The following SLC8A1 variants were observed in gnomAD, a reference collection of about 807,000 sequenced individuals.
SLC8A1 encodes the protein solute carrier family 8 member A1.
A neutral mutation model predicts 68.3 loss-of-function variants in SLC8A1; 18 were observed. That is an observed-to-expected ratio of 0.26 (90% CI 0.18 to 0.39). SLC8A1 has a LOEUF of 0.39. Among genes scored for constraint, SLC8A1 ranks in the 10% least tolerant of loss-of-function variants. The probability of loss-of-function intolerance (pLI) is 1.00; values close to 1 mark genes in which losing one functional copy is unlikely to be tolerated. For missense variants in SLC8A1, 985 were observed against 1,156.7 expected, an observed-to-expected ratio of 0.85 and a Z score of 2.15; for synonymous variants, 475 against 415.5, an observed-to-expected ratio of 1.14 and a Z score of -1.74.
chr2:40,434,085 C>T (rs1179349581), intron 1 of SLC8A1, among the ~76,000 whole-genome samples: 1 of 152,170 alleles, frequency 6.6e-6, no homozygotes, highest in Non-Finnish European at 1.5e-5. Flanking sequence ...AGAAAAAGCC[C>T]TGCCCTTTAT....
chr2:40,486,524 T>C (rs1193720550), intron 1 of SLC8A1, among the ~76,000 whole-genome samples: 1 of 152,190 alleles, frequency 6.6e-6, no homozygotes, highest in East Asian at 1.9e-4. Context: ...CAAATAATTT[T>C]CATACTCCAT....
chr2:40,498,408 C>T (rs545290977), intron 1 of SLC8A1, among the ~76,000 whole-genome samples: 1 of 152,162 alleles, frequency 6.6e-6, no homozygotes, highest in South Asian at 2.1e-4. Context: ...CTTTAAGGGA[C>T]TCTAGAGGTT....
intron 2 of SLC8A1, among the ~76,000 whole-genome samples, chr2:40,286,791 T>A (rs900482099): frequency 2.0e-5 from 3 of 152,334 alleles, no homozygotes; most frequent in African/African-American, 7.2e-5. Flanking sequence ...GAGCAATTGA[T>A]AATACCAGTG....
At chr2:40,231,413 T>TTTAATC (rs1306443817) in intron 2 of SLC8A1, among the ~76,000 whole-genome samples, 1 of 152,164 alleles carries the variant, frequency 6.6e-6, no homozygotes, top group Non-Finnish European at 1.5e-5. Flanking sequence ...AATCTTCCCA[T>TTTAATC]TTAATCTTTA....
intron 2 of SLC8A1, among the ~76,000 whole-genome samples, chr2:40,192,232 C>A (rs1202453375): frequency 6.6e-6 from 1 of 151,926 alleles, no homozygotes; most frequent in African/African-American, 2.4e-5. Flanking sequence ...GCTAAAGCTT[C>A]CTCAGCTGTA....
chr2:40,508,359 A>C (rs1706499241), intron 1 of SLC8A1, among the ~76,000 whole-genome samples: 3 of 151,930 alleles, frequency 2.0e-5, no homozygotes, highest in East Asian at 1.9e-4. Context: ...AAGTAAAAAA[A>C]AAAAAAATCT....
chr2:40,356,676 A>T (rs899861183), intron 2 of SLC8A1, among the ~76,000 whole-genome samples: 7 of 152,100 alleles, frequency 4.6e-5, no homozygotes, highest in Admixed American at 1.3e-4. Flanking sequence ...GTATGGCCCC[A>T]TGCAGAGAAG....
At chr2:40,232,389 A>C (rs2059765350) in intron 2 of SLC8A1, among the ~76,000 whole-genome samples, 1 of 56,874 alleles carries the variant, frequency 1.8e-5, no homozygotes, top group African/African-American at 5.5e-5. Context: ...AATATGGTGC[A>C]AGTTATTTTT....
chr2:40,308,631 G>A (rs2073109527), intron 2 of SLC8A1, among the ~76,000 whole-genome samples: 1 of 137,772 alleles, frequency 7.3e-6, no homozygotes, highest in South Asian at 2.4e-4. Flanking sequence ...TAAGCAGAAG[G>A]AATTTCTCTG....
intron 2 of SLC8A1, among the ~76,000 whole-genome samples, chr2:40,310,117 G>C (rs933579153): frequency 7.2e-5 from 11 of 152,150 alleles, no homozygotes; most frequent in African/African-American, 2.4e-4. Context: ...GTTTATTCAT[G>C]TCATACATGT....
intron 3 of SLC8A1, chr2:40,175,923 G>T: frequency 4.9e-6 from 2 of 405,050 alleles, no homozygotes; most frequent in Admixed American, 2.9e-5. Flanking sequence ...ATAGTCCCAG[G>T]AATTAACACC....
rs193082132 is a variant in SLC8A1, at chr2:40,351,981, C to T, written c.1808+76492G>A. On this transcript the variant is annotated intron_variant, in intron 2 of 7. Coordinates refer to ENST00000406785, the Ensembl canonical transcript of SLC8A1. ...CATTCATAAAGAATCCAAATCTTAT[C>T]CAAAAGAAGCAAAAAGCTAAAATAA... Among the ~76,000 whole-genome samples the T allele has an allele frequency of 2.1e-3, 314 of 152,154 alleles. 1 individual carries two copies. The highest frequency in any genetic ancestry group is 7.3e-3 in the African/African-American group (301 of 41,514).
chr2:40,453,188 T>A (rs552301869), upstream of SLC8A1: 1 of 152,258 alleles, frequency 6.6e-6, no homozygotes, highest in South Asian at 2.1e-4. Flanking sequence ...TGCTGTAGAA[T>A]CTGAGGCCGA....
At chr2:40,138,732 T>C (rs1344477932) in intron 7 of SLC8A1, among the ~76,000 whole-genome samples, 1 of 152,164 alleles carries the variant, frequency 6.6e-6, no homozygotes, top group Non-Finnish European at 1.5e-5. Flanking sequence ...TTGCTATCAA[T>C]GTTGTTTGGG....
intron 5 of SLC8A1, 32 bp downstream of exon 8, chr2:40,164,822 T>G (rs748222410): frequency 6.2e-7 from 1 of 1,611,924 alleles, no homozygotes; most frequent in African/African-American, 1.3e-5. Flanking sequence ...AAGGTGAGAC[T>G]GGCTCCTGGT....
intron 2 of SLC8A1, among the ~76,000 whole-genome samples, chr2:40,265,763 G>T (rs932167189): frequency 2.6e-5 from 4 of 152,078 alleles, no homozygotes; most frequent in African/African-American, 9.7e-5. Context: ...TTTATTTACA[G>T]CATGGCTCCC....
exon 1 of SLC8A1, chr2:40,452,000 G>C (rs1031408039): frequency 6.6e-6 from 1 of 151,830 alleles, no homozygotes; most frequent in South Asian, 2.1e-4. Context: ...CGATCAGGAA[G>C]AGGTCGCTCC....
chr2:40,247,513 C>A (rs1272220573), intron 2 of SLC8A1, among the ~76,000 whole-genome samples: 1 of 151,980 alleles, frequency 6.6e-6, no homozygotes, highest in Non-Finnish European at 1.5e-5. Context: ...TTTAAATAAA[C>A]CCTTCCTTAT....
chr2:40,265,672 T>A (rs371317755), intron 2 of SLC8A1, among the ~76,000 whole-genome samples: 1 of 152,156 alleles, frequency 6.6e-6, no homozygotes, highest in Admixed American at 6.6e-5. Context: ...TTATGTGATG[T>A]TTTTCAGGAC....
Sources: allele counts gnomAD v4.1 joint callset (sites outside exome capture counted in the v4.1 genomes callset), GRCh38; gene constraint gnomAD v4.1.1; transcripts MANE v1.5; gene names NCBI Gene and HGNC (gene_info 2026-07-23, HGNC 2026-07-21).